Variants in LOC400499 observed in about 807,000 individuals in gnomAD.
At chr16:11,387,836 C>A in the LOC400499 span, among the ~76,000 whole-genome samples, 1 of 152,080 alleles carries the variant, frequency 6.6e-6, no homozygotes, top group Non-Finnish European at 1.5e-5. Flanking sequence ...ATTGGCCAGG[C>A]TAGTCTCAAA....
chr16:11,392,873 A>C, the LOC400499 span: 1 of 895,236 alleles, frequency 1.1e-6, no homozygotes, highest in Non-Finnish European at 1.3e-6. Flanking sequence ...TTACTTTTTG[A>C]GACAGAGTCT....
the LOC400499 span, chr16:11,518,859 C>T: frequency 2.5e-6 from 1 of 399,166 alleles, no homozygotes; most frequent in Non-Finnish European, 4.4e-6. Context: ...AGCTCCAGCC[C>T]CATCGTGAGC....
At chr16:11,464,489 AC>A in the LOC400499 span, among the ~76,000 whole-genome samples, 3 of 152,258 alleles carry the variant, frequency 2.0e-5, no homozygotes, top group Non-Finnish European at 4.4e-5. Context: ...CAGGCAACCC[AC>A]GACCCAACCC....
the LOC400499 span, among the ~76,000 whole-genome samples, chr16:11,406,868 C>T: frequency 7.2e-5 from 11 of 152,286 alleles, no homozygotes; most frequent in South Asian, 8.3e-4. Flanking sequence ...ACGTTTTCTC[C>T]GTATCATAGT....
chr16:11,393,321 C>A, the LOC400499 span: 2 of 1,143,308 alleles, frequency 1.7e-6, no homozygotes, highest in East Asian at 6.7e-5. Context: ...AACGCCCAGA[C>A]CCCCGTCCTT....
the LOC400499 span, among the ~76,000 whole-genome samples, chr16:11,454,542 C>A: frequency 1.3e-5 from 2 of 152,178 alleles, no homozygotes; most frequent in Non-Finnish European, 2.9e-5. Context: ...AGAGAGGATG[C>A]GGCTGTAAGC....
the LOC400499 span, among the ~76,000 whole-genome samples, chr16:11,421,133 C>A: frequency 6.6e-6 from 1 of 152,318 alleles, no homozygotes; most frequent in East Asian, 1.9e-4. Context: ...GGCACTCAGG[C>A]TCAGGGCAGA....
the LOC400499 span, chr16:11,460,670 T>C: frequency 6.8e-7 from 1 of 1,470,644 alleles, no homozygotes; most frequent in Non-Finnish European, 9.0e-7. Flanking sequence ...CCACCAGGGC[T>C]CCAAGAGAAG....
chr16:11,387,785 G>A, the LOC400499 span, among the ~76,000 whole-genome samples: 3 of 152,134 alleles, frequency 2.0e-5, no homozygotes, highest in Non-Finnish European at 2.9e-5. Flanking sequence ...CGCAACACCC[G>A]GCTAATTTTT....
chr16:11,434,358 C>CA, the LOC400499 span, among the ~76,000 whole-genome samples: 2 of 152,128 alleles, frequency 1.3e-5, no homozygotes, highest in South Asian at 2.1e-4. Context: ...CCCGTTCCTA[C>CA]AAAAAAAGTA....
the LOC400499 span, among the ~76,000 whole-genome samples, chr16:11,519,313 G>A: frequency 0.3 from 45,042 of 152,084 alleles, 6,703 homozygotes; most frequent in African/African-American, 0.34. Flanking sequence ...CCCATGATGA[G>A]GACTTGGATA....
At chr16:11,435,593 T>C in the LOC400499 span, 6 of 398,704 alleles carry the variant, frequency 1.5e-5, no homozygotes, top group Non-Finnish European at 2.2e-5. Flanking sequence ...ATCTCCCATA[T>C]CCCAGGACAC....
the LOC400499 span, among the ~76,000 whole-genome samples, chr16:11,418,392 T>C: frequency 6.6e-6 from 1 of 152,092 alleles, no homozygotes; most frequent in Non-Finnish European, 1.5e-5. Context: ...ATAAAACAGG[T>C]TGCAGTAAAG....
chr16:11,451,273 A>T, the LOC400499 span, among the ~76,000 whole-genome samples: 1 of 152,098 alleles, frequency 6.6e-6, no homozygotes, highest in Admixed American at 6.5e-5. Flanking sequence ...TCTGAATGCA[A>T]TTTTTTCATA....
the LOC400499 span, chr16:11,425,299 C>T: frequency 2.5e-6 from 1 of 399,166 alleles, no homozygotes; most frequent in Non-Finnish European, 4.4e-6. Flanking sequence ...TGGAGCTCTC[C>T]AGGCAAGGCC....
chr16:11,518,210 C>T, the LOC400499 span, among the ~76,000 whole-genome samples: 1 of 152,232 alleles, frequency 6.6e-6, no homozygotes, highest in African/African-American at 2.4e-5. Context: ...CCCTCAGCAG[C>T]ATCCCCCATC....
At chr16:11,464,490 C>T in the LOC400499 span, among the ~76,000 whole-genome samples, 1 of 152,104 alleles carries the variant, frequency 6.6e-6, no homozygotes, top group Non-Finnish European at 1.5e-5. Flanking sequence ...AGGCAACCCA[C>T]GACCCAACCC....
At chr16:11,500,579 T>C in the LOC400499 span, among the ~76,000 whole-genome samples, 1 of 151,078 alleles carries the variant, frequency 6.6e-6, no homozygotes, top group Non-Finnish European at 1.5e-5. Context: ...TTGCCTGGGA[T>C]CACACAGGTG....
chr16:11,449,083 G>A, the LOC400499 span: 3 of 1,467,530 alleles, frequency 2.0e-6, no homozygotes, highest in East Asian at 2.5e-5. Flanking sequence ...AAGAGGCTCT[G>A]TGCCAAGACT....
Sources: gnomAD v4.1 joint callset for allele counts (sites outside exome capture counted in the v4.1 genomes callset) on GRCh38, gnomAD v4.1.1 for gene constraint, MANE v1.5 for transcripts.